QPCT: variants seen among roughly 807,000 people sequenced by gnomAD.
QPCT encodes EC.
Under a neutral mutation model 43.4 loss-of-function variants are expected in QPCT, and 44 were observed. That is an observed-to-expected ratio of 1.01 (90% CI 0.80 to 1.30). The LOEUF (loss-of-function observed/expected upper bound fraction) is 1.30, where lower values mean the gene tolerates loss of function less well. Ranked by LOEUF, QPCT falls within the 50% of genes most tolerant of loss-of-function variation. QPCT has a pLI of 0.00. For synonymous variants in QPCT, 168 were observed against 168.4 expected (o/e 1.00, Z 0.02); for missense variants, 526 against 436.5 (o/e 1.21, Z -1.83).
intron 1 of QPCT, among the ~76,000 whole-genome samples, chr2:37,347,314 C>G (rs1672526811): frequency 6.9e-6 from 1 of 145,646 alleles, no homozygotes; most frequent in Non-Finnish European, 1.5e-5. Context: ...GTACATTCAT[C>G]CTCAATTTAT....
intron 3 of QPCT, among the ~76,000 whole-genome samples, chr2:37,363,462 A>G (rs1672894816): frequency 1.3e-5 from 2 of 148,184 alleles, no homozygotes. Flanking sequence ...CTCTCTACAA[A>G]AAAAAAAAAA....
intron 3 of QPCT, among the ~76,000 whole-genome samples, chr2:37,365,769 C>G (rs1338861643): frequency 6.6e-6 from 1 of 152,068 alleles, no homozygotes; most frequent in East Asian, 1.9e-4. Flanking sequence ...TCAAGGTCAT[C>G]GGTTGGGAAT....
At position 37,370,198 on chromosome 2, in the gene QPCT, A is replaced by T. The variant is rs562306271; in HGVS notation, c.823+414A>T. 2.0e-5 allele frequency among the ~76,000 whole-genome samples: 3 copies of T among 152,250 alleles called. No homozygotes were observed. The East Asian group carries it at 5.8e-4, about 29-fold the overall frequency. On this transcript the variant is annotated intron_variant, in intron 5 of 6. Transcript: ENST00000338415. ...AGGCGCCATCTCAAAAAAGAAAAAA[A>T]AATTATAATTTAAGTATATGATTTA...
At chr2:37,357,151 T>C (rs923452466) in intron 2 of QPCT, among the ~76,000 whole-genome samples, 1 of 152,248 alleles carries the variant, frequency 6.6e-6, no homozygotes, top group Non-Finnish European at 1.5e-5. Flanking sequence ...GTGTGACTTC[T>C]GAGTATTGCT....
rs1247208285 is a variant in QPCT, at chr2:37,356,421, T to TA, written c.268-3159_268-3158insA. The stretch of plus-strand genomic sequence containing the variant: ...GTGTGATCTATATTCTAAATTGCCT[T>TA]TCGGCACTCCTGGAGGGTCCAGCCC... On this transcript the variant is annotated intron_variant, in intron 2 of 6. Transcript: ENST00000338415. Among the ~76,000 whole-genome samples the TA allele has an allele frequency of 7.2e-5, 11 of 152,320 alleles. No homozygotes were observed. The East Asian group carries it at 1.9e-3, about 27-fold the overall frequency.
At chr2:37,351,903 A>C (rs1672631252) in intron 1 of QPCT, among the ~76,000 whole-genome samples, 1 of 151,864 alleles carries the variant, frequency 6.6e-6, no homozygotes, top group Non-Finnish European at 1.5e-5. Context: ...AATAAAAAAG[A>C]AATAATGACT....
At chr2:37,362,890 C>T (rs1672879017) in intron 3 of QPCT, among the ~76,000 whole-genome samples, 1 of 152,198 alleles carries the variant, frequency 6.6e-6, no homozygotes, top group Admixed American at 6.5e-5. Flanking sequence ...CCACCCCACA[C>T]CAGGCAGGTA....
At position 37,344,870 on chromosome 2, in the gene QPCT, G is replaced by C. The variant is rs1308578546; in HGVS notation, c.120+19G>C. The C allele has an allele frequency of 2.6e-6, 4 of 1,564,868 alleles. No homozygotes were observed. The Admixed American group carries it at 5.5e-5, about 22-fold the overall frequency. ...GGAGAAGGTGAGGGGCTGTTTCTGC[G>C]TAGTTGTACTTGAGCGGCTCTGGTC... is the stretch of plus-strand genomic sequence containing the variant. On this transcript the variant is annotated intron_variant, in intron 1 of 6. Transcript: ENST00000338415.
In QPCT at chr2:37,359,574, G is replaced by C. The variant is rs758519305; in HGVS notation, c.268-6G>C. The C allele has an allele frequency of 1.3e-6, 2 of 1,598,144 alleles. No individual in the cohort carries two copies. The highest frequency in any genetic ancestry group is 1.7e-5 in the Admixed American group (1 of 57,448). ...TCTAAATTTTTTGTTTTTTTGTTTT[G>C]ATCAGCACATCATGCAGCGAATTCA... On this transcript the variant is annotated splice_polypyrimidine_tract_variant and splice_region_variant and intron_variant, in intron 2 of 6. Transcript: ENST00000338415.
chr2:37,357,729 T>C (rs772527296), intron 2 of QPCT, among the ~76,000 whole-genome samples: 27 of 152,200 alleles, frequency 1.8e-4, no homozygotes, highest in Non-Finnish European at 3.1e-4. Flanking sequence ...GGACCGACTG[T>C]AGGATCAGTG....
Position 37,344,867 on chromosome 2 carries a change from T to A in QPCT, c.120+16T>A. On this transcript the variant is annotated intron_variant, in intron 1 of 6. Transcript: ENST00000338415. ...AGAGGAGAAGGTGAGGGGCTGTTTC[T>A]GCGTAGTTGTACTTGAGCGGCTCTG... The A allele has an allele frequency of 6.4e-7, 1 of 1,567,014 alleles. No homozygotes were observed. The highest frequency in any genetic ancestry group is 8.6e-7 in the Non-Finnish European group (1 of 1,158,714).
intron 1 of QPCT, among the ~76,000 whole-genome samples, chr2:37,345,224 G>A (rs1672458558): frequency 6.6e-6 from 1 of 152,218 alleles, no homozygotes; most frequent in African/African-American, 2.4e-5. Context: ...AACGGGGCCG[G>A]CGCTCCGGGG....
chr2:37,358,052 G>A (rs973562068), intron 2 of QPCT, among the ~76,000 whole-genome samples: 28 of 148,918 alleles, frequency 1.9e-4, no homozygotes, highest in African/African-American at 5.9e-4. Context: ...TTAGTTTGTC[G>A]TTTGACTTTT....
chr2:37,359,652 C>A lies in QPCT; in HGVS notation c.340C>A (p.Pro114Thr). Reference protein sequence around the residue: ...LEIDTFLSQTPYGYRSFSNII... With the variant: ...LEIDTFLSQTTYGYRSFSNII... Reference sequence around the variant, plus strand: ...AATAGACACCTTCTTGAGTCAGACACCCTATGGGTACCGGTCTTTCTCAAA... The same window carrying A: ...AATAGACACCTTCTTGAGTCAGACAACCTATGGGTACCGGTCTTTCTCAAA... Residue 114 changes from proline (P) to threonine (T), a missense_variant, in exon 3 of 7, where the codon CCC (proline) becomes ACC (threonine). Coordinates refer to ENST00000338415, the MANE Select transcript of QPCT (RefSeq NM_012413.4). 6.2e-7 allele frequency: 1 copy of A among 1,614,040 alleles called. No individual in the cohort carries two copies. The highest frequency in any genetic ancestry group is 1.1e-5 in the South Asian group (1 of 91,078).
Position 37,356,655 on chromosome 2 carries a change from G to A in QPCT, c.268-2925G>A, listed in dbSNP as rs901919881. Reference sequence around the variant, plus strand: ...ATTAGATTATGCAGCCAATTTGATCGTTTATAAAGACGATTTATCTTAGCT... The same window carrying A: ...ATTAGATTATGCAGCCAATTTGATCATTTATAAAGACGATTTATCTTAGCT... On this transcript the variant is annotated intron_variant, in intron 2 of 6. Transcript: ENST00000338415. Among the ~76,000 whole-genome samples, 7 of 152,136 alleles carry A rather than the reference G, an allele frequency of 4.6e-5. No homozygotes were observed. In the South Asian group the frequency reaches 6.2e-4, roughly 13 times the overall value.
Position 37,352,685 on chromosome 2 carries a change from G to T in QPCT, c.121-104G>T, listed in dbSNP as rs1015460714. The T allele has an allele frequency of 3.6e-6, 5 of 1,383,668 alleles. No homozygotes were observed. The Admixed American group carries it at 5.7e-5, about 16-fold the overall frequency. The allele number at this position is 1,383,668 out of a possible 1,614,324, so 85.7% of individuals were successfully genotyped here. A position where few individuals can be genotyped will look rare whatever the true frequency, so the allele number is the denominator to read the frequency against. ...TTTAATTTACCTCATTTGACATAAA[G>T]TTCTCCCTTATTTTGAAGTTTTAAG... On this transcript the variant is annotated intron_variant, in intron 1 of 6. Transcript: ENST00000338415.
intron 5 of QPCT, among the ~76,000 whole-genome samples, chr2:37,370,977 G>A (rs1388944918): frequency 6.6e-6 from 1 of 152,138 alleles, no homozygotes; most frequent in African/African-American, 2.4e-5. Flanking sequence ...GAGCAAGATA[G>A]ACTTGTATTA....
intron 2 of QPCT, among the ~76,000 whole-genome samples, chr2:37,356,500 A>G (rs1672748715): frequency 6.6e-6 from 1 of 152,160 alleles, no homozygotes; most frequent in Non-Finnish European, 1.5e-5. Context: ...TGCCACAGCC[A>G]CGCACTCCCT....
At chr2:37,368,750 G>C in intron 4 of QPCT, 1 of 466,888 alleles carries the variant, frequency 2.1e-6, no homozygotes, top group South Asian at 1.6e-5. Context: ...ATCAGCAGTA[G>C]AACAAAGTTA....
Sources: gnomAD v4.1 joint callset for allele counts (sites outside exome capture counted in the v4.1 genomes callset) on GRCh38, gnomAD v4.1.1 for gene constraint, MANE v1.5 for transcripts, NCBI Gene and HGNC (gene_info 2026-07-23, HGNC 2026-07-21) for gene names.